The following LRMDA variants were observed in gnomAD, a reference collection of about 807,000 sequenced individuals.
LRMDA encodes the protein leucine-rich melanocyte differentiation-associated protein.
A neutral mutation model predicts 29.8 loss-of-function variants in LRMDA; 18 were observed. That is an observed-to-expected ratio of 0.60 (90% CI 0.42 to 0.90). The LOEUF is 0.90. Among genes scored for constraint, LRMDA ranks in the 40% least tolerant of loss-of-function variants. The pLI, the probability that LRMDA is intolerant of heterozygous loss-of-function variation, is 0.00. For missense variants in LRMDA, 273 were observed against 273.9 expected, an observed-to-expected ratio of 1.00 and a Z score of 0.02; for synonymous variants, 125 against 109.4, an observed-to-expected ratio of 1.14 and a Z score of -0.89.
chr10:75,507,162 C>T lies in LRMDA; in HGVS notation c.131+68668C>T, dbSNP rs905669888. On this transcript the variant is annotated intron_variant, in intron 2 of 6. Transcript: ENST00000611255. ...TGTTGTACAGGGAGTGACTCTCCCTCGGTAAATGGTGTATTGTCAGTTCCT... is the reference window on the plus strand; with the variant it reads ...TGTTGTACAGGGAGTGACTCTCCCTTGGTAAATGGTGTATTGTCAGTTCCT... Among the ~76,000 whole-genome samples the T allele has an allele frequency of 7.3e-5, 11 of 150,820 alleles. 1 individual carries two copies. The highest frequency in any genetic ancestry group is 1.5e-4 in the African/African-American group (6 of 40,970).
chr10:75,508,549 C>G (rs989067331), intron 2 of LRMDA, among the ~76,000 whole-genome samples: 4 of 152,166 alleles, frequency 2.6e-5, no homozygotes, highest in Non-Finnish European at 4.4e-5. Flanking sequence ...ACAGTCTAGG[C>G]CAGACATCAT....
intron 6 of LRMDA, among the ~76,000 whole-genome samples, chr10:76,509,053 G>A (rs879432846): frequency 5.3e-5 from 8 of 152,034 alleles, no homozygotes; most frequent in Non-Finnish European, 8.8e-5. Context: ...AGGACACATC[G>A]GAAATTGTCT....
At chr10:76,541,363 T>G (rs1843352962) in intron 6 of LRMDA, among the ~76,000 whole-genome samples, 1 of 152,116 alleles carries the variant, frequency 6.6e-6, no homozygotes, top group Admixed American at 6.5e-5. Flanking sequence ...TAGCCAGGCA[T>G]GGGGGCACAT....
At chr10:76,546,348 C>T (rs1843420960) in intron 6 of LRMDA, among the ~76,000 whole-genome samples, 1 of 152,214 alleles carries the variant, frequency 6.6e-6, no homozygotes, top group Non-Finnish European at 1.5e-5. Flanking sequence ...TCACTAAAGG[C>T]ACTCCAGAAA....
chr10:76,219,180 T>A lies in LRMDA; in HGVS notation c.517-105221T>A, dbSNP rs921208823. Reference sequence around the variant, plus strand: ...AAATCATGCCAAATTGTAAAGACCATCGAGGCTAGGAAGAAACTGCATCAA... The same window carrying A: ...AAATCATGCCAAATTGTAAAGACCAACGAGGCTAGGAAGAAACTGCATCAA... On this transcript the variant is annotated intron_variant, in intron 5 of 6. Coordinates refer to ENST00000611255, the MANE Select transcript of LRMDA (RefSeq NM_001305581.2). 3.3e-5 allele frequency among the ~76,000 whole-genome samples: 5 copies of A among 152,194 alleles called. No homozygotes were observed. The East Asian group carries it at 9.7e-4, about 29-fold the overall frequency.
intron 6 of LRMDA, among the ~76,000 whole-genome samples, chr10:76,454,296 G>A (rs1564546131): frequency 6.6e-6 from 1 of 152,098 alleles, no homozygotes; most frequent in Non-Finnish European, 1.5e-5. Context: ...CGTGCTAAAT[G>A]TTGGAATTGA....
chr10:76,394,110 G>C (rs1164481040), intron 6 of LRMDA, among the ~76,000 whole-genome samples: 2 of 152,190 alleles, frequency 1.3e-5, no homozygotes, highest in African/African-American at 4.8e-5. Context: ...CAGCCAGAAT[G>C]AACAAGGTGT....
intron 2 of LRMDA, among the ~76,000 whole-genome samples, chr10:75,509,713 CT>C (rs1301553168): frequency 6.6e-6 from 1 of 152,192 alleles, no homozygotes; most frequent in Admixed American, 6.5e-5. Context: ...GCTTATTTTT[CT>C]TTTGGTCAGG....
intron 6 of LRMDA, among the ~76,000 whole-genome samples, chr10:76,350,788 A>AT (rs970377227): frequency 6.6e-6 from 1 of 152,110 alleles, no homozygotes; most frequent in Non-Finnish European, 1.5e-5. Context: ...TTGCTACATA[A>AT]TTTTTTATTT....
intron 2 of LRMDA, among the ~76,000 whole-genome samples, chr10:75,583,066 C>G (rs1840614232): frequency 6.6e-6 from 1 of 152,224 alleles, no homozygotes; most frequent in Non-Finnish European, 1.5e-5. Flanking sequence ...GCATTTAGGT[C>G]ACAACAATTT....
chr10:75,920,481 T>C (rs893895045), intron 2 of LRMDA, among the ~76,000 whole-genome samples: 1 of 152,186 alleles, frequency 6.6e-6, no homozygotes. Flanking sequence ...CTTGGGATAA[T>C]AGCATTGGCA....
intron 2 of LRMDA, among the ~76,000 whole-genome samples, chr10:75,775,855 A>C (rs1843304899): frequency 6.6e-6 from 1 of 152,198 alleles, no homozygotes; most frequent in African/African-American, 2.4e-5. Flanking sequence ...GTAGACCTGG[A>C]AACATGACAA....
chr10:75,524,468 T>A (rs952591600), intron 2 of LRMDA, among the ~76,000 whole-genome samples: 4 of 152,278 alleles, frequency 2.6e-5, no homozygotes, highest in Non-Finnish European at 4.4e-5. Flanking sequence ...GGTGATGTAA[T>A]TTAGCGTCTT....
chr10:76,345,905 G>T (rs1416995342), intron 6 of LRMDA, among the ~76,000 whole-genome samples: 1 of 151,866 alleles, frequency 6.6e-6, no homozygotes, highest in Non-Finnish European at 1.5e-5. Flanking sequence ...TGGTAAATTT[G>T]TAATATTGAA....
At position 75,475,703 on chromosome 10, in the gene LRMDA, C is replaced by T. The variant is rs1034065122; in HGVS notation, c.131+37209C>T. On this transcript the variant is annotated intron_variant, in intron 2 of 6. Transcript: ENST00000611255. ...AGGGTTTTACATTACAATAGTCACC[C>T]ATCAGGCTTGGAGAGAAATGGAACT... 5.9e-5 allele frequency among the ~76,000 whole-genome samples: 9 copies of T among 152,244 alleles called. 1 individual carries two copies. Among genetic ancestry groups the T allele is most frequent in the Middle Eastern group, 6.8e-3 (2 of 294 alleles).
intron 6 of LRMDA, among the ~76,000 whole-genome samples, chr10:76,414,586 A>C (rs1469224291): frequency 6.6e-6 from 1 of 152,222 alleles, no homozygotes; most frequent in Admixed American, 6.5e-5. Flanking sequence ...TGTTGACTGG[A>C]GTTCTTGTGG....
chr10:75,748,036 A>G (rs981567974), intron 2 of LRMDA, among the ~76,000 whole-genome samples: 1 of 152,176 alleles, frequency 6.6e-6, no homozygotes, highest in Non-Finnish European at 1.5e-5. Flanking sequence ...TTTGTGAGCT[A>G]TCATTTGCTA....
chr10:76,336,400 G>C (rs979157068), intron 6 of LRMDA, among the ~76,000 whole-genome samples: 5 of 152,146 alleles, frequency 3.3e-5, no homozygotes, highest in Non-Finnish European at 7.3e-5. Context: ...TTGTGCATCT[G>C]TTTCCTTAAA....
chr10:75,444,174 T>G (rs747291216), intron 2 of LRMDA, among the ~76,000 whole-genome samples: 11 of 152,240 alleles, frequency 7.2e-5, no homozygotes, highest in Non-Finnish European at 1.5e-4. Flanking sequence ...CGTCAGAGTC[T>G]TCTTTCCTGC....
Sources: allele counts gnomAD v4.1 joint callset (sites outside exome capture counted in the v4.1 genomes callset), GRCh38; gene constraint gnomAD v4.1.1; transcripts MANE v1.5; gene names NCBI Gene and HGNC (gene_info 2026-07-23, HGNC 2026-07-21).